DLC1: variants seen among roughly 807,000 people sequenced by gnomAD.
DLC1 encodes rho GTPase-activating protein 7.
A neutral mutation model predicts 140.3 loss-of-function variants in DLC1; 54 were observed. The ratio of observed to expected loss-of-function variants is 0.38; its 90% CI spans 0.31 to 0.48. DLC1 has a LOEUF of 0.48. Ranked by LOEUF, DLC1 falls within the 20% of genes least tolerant of loss-of-function variation. DLC1 has a pLI of 0.96. For synonymous variants in DLC1, 986 were observed against 728.1 expected (o/e 1.35, Z -5.70); for missense variants, 2,536 against 1,907.0 (o/e 1.33, Z -6.14).
chr8:13,144,298 C>G (rs114073786), intron 5 of DLC1, among the ~76,000 whole-genome samples: 1 of 152,194 alleles, frequency 6.6e-6, no homozygotes, highest in Non-Finnish European at 1.5e-5. Context: ...AGTGCCCCTG[C>G]AGGATCTTAG....
chr8:13,532,119 A>C (rs1803118720), intron 1 of DLC1, among the ~76,000 whole-genome samples: 1 of 152,178 alleles, frequency 6.6e-6, no homozygotes, highest in Non-Finnish European at 1.5e-5. Context: ...CAAAAGCCAG[A>C]AGAGGCCAGG....
At chr8:13,090,797 C>A (rs1423583705) in intron 14 of DLC1, among the ~76,000 whole-genome samples, 1 of 109,610 alleles carries the variant, frequency 9.1e-6, no homozygotes, top group African/African-American at 4.1e-5. Flanking sequence ...GTTGCTTTTT[C>A]TTTCTTTCTT....
At chr8:13,426,181 C>G (rs1182059987) in intron 2 of DLC1, among the ~76,000 whole-genome samples, 1 of 149,934 alleles carries the variant, frequency 6.7e-6, no homozygotes, top group Non-Finnish European at 1.5e-5. Context: ...GATGTCCATG[C>G]TTAATATTCC....
At chr8:13,480,647 A>G (rs6986963) in intron 2 of DLC1, among the ~76,000 whole-genome samples, 5,237 of 152,248 alleles carry the variant, frequency 0.034, 294 homozygotes, top group African/African-American at 0.12. Context: ...ATTAAGATAC[A>G]CAGTAGGAAG....
intron 1 of DLC1, among the ~76,000 whole-genome samples, chr8:13,534,438 A>G (rs10503452): frequency 0.023 from 3,474 of 152,266 alleles, 277 homozygotes; most frequent in Admixed American, 0.14. Context: ...TTTTCAAGTT[A>G]TATCAATTTG....
intron 5 of DLC1, among the ~76,000 whole-genome samples, chr8:13,275,547 ATCG>A (rs1438842785): frequency 6.6e-6 from 1 of 152,190 alleles, no homozygotes; most frequent in Non-Finnish European, 1.5e-5. Context: ...GTTTTTTCAT[ATCG>A]TAGTGAGATG....
At chr8:13,399,291 G>A (rs1406276506) in intron 3 of DLC1, among the ~76,000 whole-genome samples, 1 of 152,142 alleles carries the variant, frequency 6.6e-6, no homozygotes, top group Non-Finnish European at 1.5e-5. Context: ...AGAAAAAACT[G>A]GCATGTTGGG....
chr8:13,085,885 C>A lies in DLC1; in HGVS notation c.4513G>T (p.Ala1505Ser), dbSNP rs1817514521. The change falls in exon 18 of 18, where the codon GCA (alanine) becomes TCA (serine). Residue 1505 changes from alanine to serine, a missense_variant. Coordinates refer to ENST00000276297, the MANE Select transcript of DLC1 (RefSeq NM_182643.3). ...WYTKSFGHLC[A>S]AEVVKIRDSF... Reference sequence around the variant, plus strand: ...TCCCGGATCTTTACAACTTCAGCTGCACACAAATGTCCAAAAGATTTTGTG... The same window carrying A: ...TCCCGGATCTTTACAACTTCAGCTGAACACAAATGTCCAAAAGATTTTGTG... The A allele has an allele frequency of 6.2e-7, 1 of 1,614,170 alleles. No individual in the cohort carries two copies. The highest frequency in any genetic ancestry group is 8.5e-7 in the Non-Finnish European group (1 of 1,180,026).
chr8:13,332,593 G>A (rs560819651), intron 4 of DLC1, among the ~76,000 whole-genome samples: 10 of 135,946 alleles, frequency 7.4e-5, no homozygotes, highest in South Asian at 2.6e-4. Context: ...ACCACGCCCC[G>A]CTAATTTTTG....
chr8:13,589,375 A>G (rs1333129185), intron 1 of DLC1, among the ~76,000 whole-genome samples: 1 of 152,136 alleles, frequency 6.6e-6, no homozygotes, highest in Non-Finnish European at 1.5e-5. Flanking sequence ...AGCAAGGCAC[A>G]ATGAGTCTCC....
At chr8:13,425,349 AG>A (rs1838518747) in intron 2 of DLC1, among the ~76,000 whole-genome samples, 1 of 152,214 alleles carries the variant, frequency 6.6e-6, no homozygotes, top group Non-Finnish European at 1.5e-5. Context: ...TGGCAGGGCA[AG>A]AAAATGGCAC....
At chr8:13,087,245 C>CA (rs1195676216) in intron 16 of DLC1, among the ~76,000 whole-genome samples, 4 of 152,048 alleles carry the variant, frequency 2.6e-5, no homozygotes, top group African/African-American at 9.7e-5. Flanking sequence ...CTACCAGAAA[C>CA]AAAAAAATTA....
chr8:13,510,439 A>G (rs1327538076), intron 1 of DLC1, among the ~76,000 whole-genome samples: 1 of 152,090 alleles, frequency 6.6e-6, no homozygotes, highest in East Asian at 1.9e-4. Flanking sequence ...GGCCTCCCAT[A>G]TTCTTTCTTG....
chr8:13,114,839 C>T (rs925175352), intron 6 of DLC1, among the ~76,000 whole-genome samples: 1 of 152,120 alleles, frequency 6.6e-6, no homozygotes, highest in Non-Finnish European at 1.5e-5. Flanking sequence ...AAATTAAAGT[C>T]TGACAATATC....
chr8:13,567,394 CG>C, intron 1 of DLC1: 1 of 1,551,626 alleles, frequency 6.4e-7, no homozygotes, highest in Non-Finnish European at 8.7e-7. Flanking sequence ...TTTGATTCAT[CG>C]TAGAGGGGAT....
At chr8:13,431,270 T>G (rs1185311927) in intron 2 of DLC1, among the ~76,000 whole-genome samples, 1 of 151,028 alleles carries the variant, frequency 6.6e-6, no homozygotes, top group Non-Finnish European at 1.5e-5. Context: ...GATCACGAGG[T>G]CAGGAGATCG....
intron 1 of DLC1, among the ~76,000 whole-genome samples, chr8:13,599,918 T>A (rs907280055): frequency 6.6e-6 from 1 of 151,980 alleles, no homozygotes; most frequent in Non-Finnish European, 1.5e-5. Context: ...TGTATCAGTC[T>A]GTATGAGGTA....
At chr8:13,516,273 A>T (rs1802582837), upstream of DLC1, among the ~76,000 whole-genome samples, 1 of 152,236 alleles carries the variant, frequency 6.6e-6, no homozygotes, top group South Asian at 2.1e-4. Context: ...GTTGGATGTG[A>T]TAAAATGAGT....
At chr8:13,189,565 G>A (rs1469836704) in intron 5 of DLC1, among the ~76,000 whole-genome samples, 1 of 151,762 alleles carries the variant, frequency 6.6e-6, no homozygotes, top group African/African-American at 2.4e-5. Flanking sequence ...ATCCAATTAG[G>A]CATGTGATTA....
Sources: allele counts gnomAD v4.1 joint callset (sites outside exome capture counted in the v4.1 genomes callset), GRCh38; gene constraint gnomAD v4.1.1; transcripts MANE v1.5; gene names NCBI Gene and HGNC (gene_info 2026-07-23, HGNC 2026-07-21).